SGCZ: variants seen among roughly 807,000 people sequenced by gnomAD.
SGCZ encodes zeta-sarcoglycan.
Under a neutral mutation model 41.3 loss-of-function variants are expected in SGCZ, and 40 were observed. The observed-to-expected ratio is 0.97, with a 90% CI of 0.75 to 1.26. The LOEUF (loss-of-function observed/expected upper bound fraction) is 1.26. Ranked by LOEUF, SGCZ falls within the 50% of genes most tolerant of loss-of-function variation. The pLI is 0.00. For missense variants in SGCZ, 552 were observed against 369.8 expected, an observed-to-expected ratio of 1.49 and a Z score of -4.04; for synonymous variants, 206 against 137.5, an observed-to-expected ratio of 1.50 and a Z score of -3.49.
At chr8:14,512,871 T>C (rs1036369374) in intron 2 of SGCZ, among the ~76,000 whole-genome samples, 1 of 152,104 alleles carries the variant, frequency 6.6e-6, no homozygotes, top group East Asian at 1.9e-4. Context: ...ATAAGTCTTC[T>C]AGTGTGCTTG....
intron 1 of SGCZ, among the ~76,000 whole-genome samples, chr8:15,066,853 G>A (rs1358310270): frequency 1.3e-5 from 2 of 152,122 alleles, no homozygotes; most frequent in Non-Finnish European, 2.9e-5. Context: ...ATTATAGTTG[G>A]AAAGCAAGAG....
chr8:14,881,926 TCAAAA>T (rs975606379), intron 1 of SGCZ, among the ~76,000 whole-genome samples: 1 of 152,120 alleles, frequency 6.6e-6, no homozygotes, highest in Non-Finnish European at 1.5e-5. Flanking sequence ...AGAAACTCAC[TCAAAA>T]CCAAAGAACT....
intron 4 of SGCZ, among the ~76,000 whole-genome samples, chr8:14,199,570 T>C (rs1805388251): frequency 6.6e-6 from 1 of 152,104 alleles, no homozygotes; most frequent in Non-Finnish European, 1.5e-5. Flanking sequence ...AATAAAAACT[T>C]GCTGGTTTTA....
chr8:14,247,395 A>G (rs1179458546), intron 3 of SGCZ, among the ~76,000 whole-genome samples: 1 of 152,078 alleles, frequency 6.6e-6, no homozygotes, highest in African/African-American at 2.4e-5. Context: ...TGCTGCAGGG[A>G]GCAGTTTTAC....
intron 1 of SGCZ, among the ~76,000 whole-genome samples, chr8:14,808,417 G>A (rs922433898): frequency 6.6e-6 from 1 of 152,124 alleles, no homozygotes; most frequent in African/African-American, 2.4e-5. Flanking sequence ...CAAAAAGTGG[G>A]CAAAGGACGT....
intron 1 of SGCZ, among the ~76,000 whole-genome samples, chr8:14,656,581 T>TTCTTC (rs1396572051): frequency 5.0e-5 from 7 of 138,890 alleles, no homozygotes; most frequent in Admixed American, 2.9e-4. Context: ...CCTGCTTCTT[T>TTCTTC]TCTTCTCTTC....
intron 2 of SGCZ, among the ~76,000 whole-genome samples, chr8:14,435,968 A>G (rs781277669): frequency 6.6e-5 from 10 of 152,228 alleles, no homozygotes; most frequent in Non-Finnish European, 1.3e-4. Context: ...AAGTGTTTCA[A>G]TGCTCCTAGG....
chr8:14,960,879 G>C (rs1457715164), intron 1 of SGCZ, among the ~76,000 whole-genome samples: 1 of 151,308 alleles, frequency 6.6e-6, no homozygotes, highest in Non-Finnish European at 1.5e-5. Context: ...AAGTGGAATT[G>C]TATTCACTTA....
intron 4 of SGCZ, among the ~76,000 whole-genome samples, chr8:14,207,012 T>A (rs1805638001): frequency 6.6e-6 from 1 of 152,106 alleles, no homozygotes; most frequent in South Asian, 2.1e-4. Flanking sequence ...TTTTCTGACG[T>A]TTTTGTGGAG....
chr8:14,756,941 CG>C (rs1046268325), intron 1 of SGCZ, among the ~76,000 whole-genome samples: 1 of 152,180 alleles, frequency 6.6e-6, no homozygotes, highest in Non-Finnish European at 1.5e-5. Flanking sequence ...CTTGTAAAAA[CG>C]GCAGAATACT....
chr8:14,623,771 G>C (rs1265342333), intron 1 of SGCZ, among the ~76,000 whole-genome samples: 1 of 152,140 alleles, frequency 6.6e-6, no homozygotes, highest in Non-Finnish European at 1.5e-5. Flanking sequence ...GGTGCTGGGA[G>C]ACAGATTTCT....
chr8:14,582,463 T>C (rs1804923178), intron 1 of SGCZ, among the ~76,000 whole-genome samples: 2 of 152,094 alleles, frequency 1.3e-5, no homozygotes, highest in African/African-American at 4.8e-5. Flanking sequence ...GGGGGGAGCT[T>C]ATAAATCAGC....
chr8:14,256,021 A>C (rs1168808176), intron 3 of SGCZ, among the ~76,000 whole-genome samples: 3 of 152,136 alleles, frequency 2.0e-5, no homozygotes, highest in African/African-American at 7.2e-5. Context: ...CATGCCTAAA[A>C]ACTTTTTAGT....
chr8:14,356,683 C>T (rs1803307813), intron 2 of SGCZ, among the ~76,000 whole-genome samples: 1 of 151,870 alleles, frequency 6.6e-6, no homozygotes, highest in African/African-American at 2.4e-5. Flanking sequence ...TAATTTTGAA[C>T]ATTTGATAGA....
chr8:14,590,945 A>G (rs1054345783), intron 1 of SGCZ, among the ~76,000 whole-genome samples: 1 of 150,594 alleles, frequency 6.6e-6, no homozygotes, highest in African/African-American at 2.4e-5. Flanking sequence ...TATAATGTAT[A>G]TAATGTCATA....
At chr8:14,486,974 T>A (rs1801693039) in intron 2 of SGCZ, among the ~76,000 whole-genome samples, 1 of 152,158 alleles carries the variant, frequency 6.6e-6, no homozygotes, top group African/African-American at 2.4e-5. Flanking sequence ...TTCATGCAGT[T>A]CAGGACTATG....
At chr8:14,770,933 A>C (rs1316022699) in intron 1 of SGCZ, among the ~76,000 whole-genome samples, 3 of 152,164 alleles carry the variant, frequency 2.0e-5, no homozygotes, top group Non-Finnish European at 4.4e-5. Flanking sequence ...TTGAAAAATA[A>C]ATAGAATTTG....
chr8:14,554,022 G>A (rs994114698), intron 2 of SGCZ, among the ~76,000 whole-genome samples: 25 of 152,074 alleles, frequency 1.6e-4, no homozygotes, highest in Admixed American at 1.3e-3. Context: ...GGACTTTGCT[G>A]AAGCCACAAA....
At chr8:14,227,480 T>C (rs539845253) in intron 4 of SGCZ, among the ~76,000 whole-genome samples, 3 of 152,142 alleles carry the variant, frequency 2.0e-5, no homozygotes, top group South Asian at 4.1e-4. Context: ...CATAGGATTA[T>C]TGGATCAAAA....
Sources: allele counts gnomAD v4.1 joint callset (sites outside exome capture counted in the v4.1 genomes callset), GRCh38; gene constraint gnomAD v4.1.1; transcripts MANE v1.5; gene names NCBI Gene and HGNC (gene_info 2026-07-23, HGNC 2026-07-21).